TGM6: variants seen among roughly 807,000 people sequenced by gnomAD.
The protein encoded by TGM6 is transglutaminase 6, also known as protein-glutamine gamma-glutamyltransferase 6.
Under a neutral mutation model 77.5 loss-of-function variants are expected in TGM6, and 74 were observed. The ratio of observed to expected loss-of-function variants is 0.96; its 90% CI spans 0.79 to 1.16. The LOEUF is 1.16. Among genes scored for constraint, TGM6 ranks in the 50% most tolerant of loss-of-function variants. The pLI, the probability that TGM6 is intolerant of heterozygous loss-of-function variation, is 0.00. For missense variants in TGM6, 968 were observed against 940.2 expected (o/e 1.03, Z -0.39); for synonymous variants, 383 against 378.9 (o/e 1.01, Z -0.12).
chr20:2,393,222 C>G (rs1039800597), intron 1 of TGM6, among the ~76,000 whole-genome samples: 12 of 152,260 alleles, frequency 7.9e-5, no homozygotes, highest in Non-Finnish European at 1.5e-5. Context: ...ACCTGACATG[C>G]ATATTCCCAG....
At chr20:2,419,950 A>T (rs1412117976) in intron 10 of TGM6, among the ~76,000 whole-genome samples, 1 of 152,226 alleles carries the variant, frequency 6.6e-6, no homozygotes, top group Non-Finnish European at 1.5e-5. Context: ...GTATCACAAA[A>T]GTGAAATTCT....
rs1035534297 is a variant in TGM6 at position 2,430,490 on chromosome 20, G to A, written c.1723G>A (p.Asp575Asn). The part of the protein sequence containing the change: ...ITISYSKYKE[D>N]LTEDKKILLA... ...AATATCTTACTCTAAGTATAAAGAA[G>A]ACCTGACAGAGGACAAGAAGATCCT... The change falls in exon 11 of 13, where the codon GAC (aspartate) becomes AAC (asparagine). Residue 575 changes from aspartate to asparagine, a missense_variant. Asp to Asn is a conservative substitution (Grantham distance 23). Transcript: ENST00000202625. 6.2e-7 allele frequency: 1 copy of A among 1,614,034 alleles called. No homozygotes were observed. The highest frequency in any genetic ancestry group is 2.2e-5 in the East Asian group (1 of 44,902).
intron 4 of TGM6, 54 bp downstream of exon 4, chr20:2,396,678 G>T: frequency 6.4e-7 from 1 of 1,556,034 alleles, no homozygotes; most frequent in Non-Finnish European, 8.9e-7. Flanking sequence ...GGGGAGGTCG[G>T]TGGGACTGGA....
intron 5 of TGM6, 63 bp downstream of exon 5, chr20:2,398,109 C>T: frequency 6.2e-7 from 1 of 1,613,004 alleles, no homozygotes; most frequent in Non-Finnish European, 8.5e-7. Flanking sequence ...AACCCCGGGG[C>T]CACAACCTGT....
At chr20:2,431,457 T>C (rs1017999354) in intron 12 of TGM6, among the ~76,000 whole-genome samples, 4 of 152,260 alleles carry the variant, frequency 2.6e-5, no homozygotes, top group Non-Finnish European at 5.9e-5. Flanking sequence ...GTTTATTTAC[T>C]TATTCATTGT....
intron 11 of TGM6, 129 bp from the exon 12 acceptor site, chr20:2,430,765 T>C: frequency 6.3e-7 from 1 of 1,589,364 alleles, no homozygotes; most frequent in Non-Finnish European, 8.6e-7. Context: ...ATAGTGGCAC[T>C]CAGCAATGGG....
chr20:2,424,478 T>G (rs1462579560), intron 10 of TGM6, among the ~76,000 whole-genome samples: 2 of 152,190 alleles, frequency 1.3e-5, no homozygotes, highest in Non-Finnish European at 2.9e-5. Context: ...TCCTAACATC[T>G]CTCAATCCTT....
intron 9 of TGM6, among the ~76,000 whole-genome samples, chr20:2,409,829 A>G (rs946233895): frequency 6.6e-6 from 1 of 152,236 alleles, no homozygotes; most frequent in East Asian, 1.9e-4. Context: ...CAGAAAAATC[A>G]TAAAAGAAAA....
chr20:2,403,173 C>T (rs1246938953), intron 7 of TGM6, among the ~76,000 whole-genome samples: 1 of 152,214 alleles, frequency 6.6e-6, no homozygotes. Context: ...CCTTGAACAA[C>T]AGGTTCTTGA....
At position 2,400,442 on chromosome 20, in the gene TGM6, G is replaced by T. The variant is rs940853380; in HGVS notation, c.987G>T (p.Met329Ile). ...TGGAGGACCTGACAGAAGACAGCAT[G>T]TGGTGGGTCCTGCCCCCAGCCTAGG... ...RTLEDLTEDS[M>I]WNFHVWNESW... Residue 329 changes from methionine (M) to isoleucine (I), a missense_variant and splice_region_variant, in exon 7 of 13, where the codon ATG (methionine) becomes ATT (isoleucine). Met to Ile is a conservative substitution (Grantham distance 10, BLOSUM62 1). Transcript: ENST00000202625. The T allele has an allele frequency of 4.3e-6, 7 of 1,614,056 alleles. No individual in the cohort carries two copies. In the East Asian group the frequency reaches 1.6e-4, roughly 36 times the overall value.
intron 1 of TGM6, among the ~76,000 whole-genome samples, chr20:2,388,494 A>G (rs2084610366): frequency 6.6e-6 from 1 of 152,154 alleles, no homozygotes; most frequent in Admixed American, 6.6e-5. Context: ...ACTCTGGGTC[A>G]TGTGCAGTGG....
intron 10 of TGM6, among the ~76,000 whole-genome samples, chr20:2,427,656 T>C (rs1284939804): frequency 6.6e-6 from 1 of 152,218 alleles, no homozygotes; most frequent in Non-Finnish European, 1.5e-5. Context: ...AGATCCTTCT[T>C]CTTTTCTATC....
Position 2,394,434 on chromosome 20 carries a change from T to A in TGM6, c.8-18T>A, listed in dbSNP as rs1367100350. ...ACAGGAGGCCGTGGCCTCATCTCCC[T>A]GTCCTCTCCCCACCCAGGGATCAGA... On this transcript the variant is annotated intron_variant, in intron 1 of 12. Coordinates refer to ENST00000202625, the MANE Select transcript of TGM6 (RefSeq NM_198994.3). The A allele has an allele frequency of 1.2e-5, 19 of 1,610,960 alleles. No homozygotes were observed. The highest frequency in any genetic ancestry group is 1.4e-5 in the Non-Finnish European group (16 of 1,179,840).
Position 2,403,752 on chromosome 20 carries a change from G to A in TGM6, c.1265G>A (p.Arg422Lys). 6 of 1,614,104 alleles carry A rather than the reference G, an allele frequency of 3.7e-6. No individual in the cohort carries two copies. The Admixed American group carries it at 6.7e-5, about 18-fold the overall frequency. ...RVYSNTKKIG[R>K]CISTKAVGSD... is the part of the protein sequence containing the mutation. ...TACTCAAACACGAAGAAGATTGGGA[G>A]ATGCATCAGCACCAAGGCGGTGGGC... The change falls in exon 9 of 13, where the codon AGA becomes AAA. Residue 422 changes from arginine (R) to lysine (K), a missense_variant. By Grantham distance (26) the Arg-to-Lys change is conservative. Transcript: ENST00000202625.
chr20:2,407,688 C>CA (rs1310526100), intron 9 of TGM6, among the ~76,000 whole-genome samples: 2 of 152,166 alleles, frequency 1.3e-5, no homozygotes, highest in Non-Finnish European at 2.9e-5. Context: ...CCCAAGTTTC[C>CA]AAAGCCCAGA....
Position 2,395,359 on chromosome 20 carries a change from T to C in TGM6, c.347T>C (p.Ile116Thr). 1 of 1,614,250 alleles carries C rather than the reference T, an allele frequency of 6.2e-7. No homozygotes were observed. The highest frequency in any genetic ancestry group is 8.5e-7 in the Non-Finnish European group (1 of 1,180,046). Residue 116 changes from isoleucine to threonine, a missense_variant, in exon 3 of 13, where the codon ATC (isoleucine) becomes ACC (threonine). By Grantham distance (89) the Ile-to-Thr change is moderately conservative. Transcript: ENST00000202625. Reference protein sequence around the residue: ...SAVIGRYLLSIRLSSHRKHSN... With the variant: ...SAVIGRYLLSTRLSSHRKHSN... ...GTCATTGGCCGCTACCTGCTGAGCA[T>C]CAGGCTTTCCTCTCACCGCAAACAC...
At chr20:2,426,396 T>G (rs2084887991) in intron 10 of TGM6, among the ~76,000 whole-genome samples, 1 of 152,210 alleles carries the variant, frequency 6.6e-6, no homozygotes, top group South Asian at 2.1e-4. Flanking sequence ...GTTCCAGGAT[T>G]TTTTGTTTGT....
intron 2 of TGM6, among the ~76,000 whole-genome samples, chr20:2,394,872 G>A (rs1210462055): frequency 6.6e-6 from 1 of 152,174 alleles, no homozygotes; most frequent in South Asian, 2.1e-4. Flanking sequence ...CAGACACCCA[G>A]GGCTCTGGAA....
In TGM6 at chr20:2,408,795, G is replaced by A. The variant is rs6137912; in HGVS notation, c.1336+4972G>A. 4.9e-4 allele frequency among the ~76,000 whole-genome samples: 75 copies of A among 152,272 alleles called. No individual in the cohort carries two copies. The East Asian group carries it at 0.011, about 23-fold the overall frequency. ...GCCAGGCAACCAGTGAACAAAATGC[G>A]TATGATCTTTATCTTAAAGGATAAA... On this transcript the variant is annotated intron_variant, in intron 9 of 12. Transcript: ENST00000202625.
Sources: gnomAD v4.1 joint callset for allele counts (sites outside exome capture counted in the v4.1 genomes callset) on GRCh38, gnomAD v4.1.1 for gene constraint, MANE v1.5 for transcripts, NCBI Gene and HGNC (gene_info 2026-07-23, HGNC 2026-07-21) for gene names.